Variants in TTLL11 observed in about 807,000 individuals in gnomAD.
TTLL11 encodes the protein tubulin tyrosine ligase like 11, also known as tubulin polyglutamylase TTLL11.
A neutral mutation model predicts 51.7 loss-of-function variants in TTLL11; 42 were observed. The ratio of observed to expected loss-of-function variants is 0.81; its 90% CI spans 0.64 to 1.05. TTLL11 has a LOEUF of 1.05. Ranked by LOEUF, TTLL11 falls within the 50% of genes least tolerant of loss-of-function variation. The probability of loss-of-function intolerance (pLI) is 0.00; values close to 1 mark genes in which losing one functional copy is unlikely to be tolerated. For synonymous variants in TTLL11, 381 were observed against 383.5 expected, an observed-to-expected ratio of 0.99 and a Z score of 0.08; for missense variants, 799 against 940.4, an observed-to-expected ratio of 0.85 and a Z score of 1.97.
Position 121,819,625 on chromosome 9 carries a change from G to A in TTLL11, c.*2962C>T, listed in dbSNP as rs72762612. Among the ~76,000 whole-genome samples the A allele has an allele frequency of 3.3e-3, 495 of 152,298 alleles. 9 individuals carry two copies. Among genetic ancestry groups the A allele is most frequent in the African/African-American group, 0.012 (480 of 41,566 alleles). The stretch of plus-strand genomic sequence containing the variant: ...AGGAGCGGGAAGGGGCAAGAGAGCG[G>A]GAGGGAGAAGACGCTGGAGATGGAT... On this transcript the variant is annotated 3_prime_UTR_variant, in exon 9 of 9. Coordinates refer to ENST00000321582, the MANE Select transcript of TTLL11 (RefSeq NM_001139442.2).
At chr9:121,864,487 C>G (rs1838122374) in intron 7 of TTLL11, among the ~76,000 whole-genome samples, 1 of 152,184 alleles carries the variant, frequency 6.6e-6, no homozygotes, top group Non-Finnish European at 1.5e-5. Flanking sequence ...GAGTCAAATG[C>G]ACATGAGTTT....
chr9:121,996,340 G>A (rs923175610), intron 3 of TTLL11, among the ~76,000 whole-genome samples: 2 of 152,148 alleles, frequency 1.3e-5, no homozygotes, highest in East Asian at 3.9e-4. Flanking sequence ...TCTGAGAACT[G>A]GCCTGCAACC....
At chr9:122,020,683 T>C (rs1165316160) in intron 3 of TTLL11, among the ~76,000 whole-genome samples, 2 of 152,228 alleles carry the variant, frequency 1.3e-5, no homozygotes, top group Admixed American at 6.5e-5. Flanking sequence ...AGAGGTAGGC[T>C]CTTTGGAGGG....
At chr9:121,920,931 G>A (rs969860903) in intron 6 of TTLL11, among the ~76,000 whole-genome samples, 1 of 152,224 alleles carries the variant, frequency 6.6e-6, no homozygotes, top group African/African-American at 2.4e-5. Flanking sequence ...AGAGCGTCTA[G>A]CTAATGCACA....
intron 3 of TTLL11, among the ~76,000 whole-genome samples, chr9:122,017,363 T>G (rs1045569554): frequency 2.0e-5 from 3 of 152,176 alleles, no homozygotes; most frequent in Non-Finnish European, 4.4e-5. Flanking sequence ...CCAAAGGAGA[T>G]GCTGGCACAG....
At chr9:121,914,202 A>T in intron 6 of TTLL11, among the ~76,000 whole-genome samples, 1 of 152,214 alleles carries the variant, frequency 6.6e-6, no homozygotes, top group East Asian at 1.9e-4. Flanking sequence ...ATAAAGTTTT[A>T]TTGGAACACA....
chr9:121,906,904 CA>C (rs1403363932), intron 6 of TTLL11, among the ~76,000 whole-genome samples: 1 of 151,952 alleles, frequency 6.6e-6, no homozygotes, highest in Non-Finnish European at 1.5e-5. Flanking sequence ...AGACCACCAC[CA>C]CAGTAAAATA....
chr9:122,046,089 C>A (rs567458064), intron 1 of TTLL11, among the ~76,000 whole-genome samples: 1 of 152,172 alleles, frequency 6.6e-6, no homozygotes, highest in East Asian at 1.9e-4. Context: ...AACAAAACAC[C>A]ATCTACTTAA....
rs1437964697 is a variant in TTLL11 at position 121,995,327 on chromosome 9, ACCAGGGCAC to A, written c.694-5566_694-5558del. On this transcript the variant is annotated intron_variant, in intron 3 of 8. Transcript: ENST00000321582. The surrounding 1 kb of genome is among the most constrained non-coding windows in gnomAD (Gnocchi z 4.4). ...GGCGAGGGACATGCATCCACGCATC[ACCAGGGCAC>A]CCAGGAGGAAGATAGTTTGGAAGGA... Among the ~76,000 whole-genome samples, 1 of 152,184 alleles carries A rather than the reference ACCAGGGCAC, an allele frequency of 6.6e-6. No individual in the cohort carries two copies. The highest frequency in any genetic ancestry group is 2.4e-5 in the African/African-American group (1 of 41,450).
At chr9:122,019,228 C>G (rs1227066847) in intron 3 of TTLL11, among the ~76,000 whole-genome samples, 1 of 152,184 alleles carries the variant, frequency 6.6e-6, no homozygotes, top group Non-Finnish European at 1.5e-5. Context: ...ATGAATAGAA[C>G]AGCCTTTCTA....
At chr9:121,978,952 C>A (rs1842773190) in intron 4 of TTLL11, among the ~76,000 whole-genome samples, 1 of 152,294 alleles carries the variant, frequency 6.6e-6, no homozygotes, top group African/African-American at 2.4e-5. Context: ...TCCTGGTATT[C>A]ATTCCTTTTG....
chr9:121,982,439 G>T (rs1842846285), intron 4 of TTLL11, among the ~76,000 whole-genome samples: 1 of 152,138 alleles, frequency 6.6e-6, no homozygotes, highest in Admixed American at 6.5e-5. Flanking sequence ...TTTTTGGGCT[G>T]GGCATGGTGG....
intron 6 of TTLL11, among the ~76,000 whole-genome samples, chr9:121,905,154 T>C (rs1839898621): frequency 6.6e-6 from 1 of 152,188 alleles, no homozygotes; most frequent in Non-Finnish European, 1.5e-5. Flanking sequence ...ATTATATCTC[T>C]CTGTAGAAGA....
chr9:121,972,051 A>T (rs1842593658), intron 6 of TTLL11, among the ~76,000 whole-genome samples: 1 of 152,068 alleles, frequency 6.6e-6, no homozygotes, highest in Admixed American at 6.5e-5. Context: ...TGATGGGTGC[A>T]GCAAATCACC....
At chr9:122,079,937 G>T (rs186018108) in intron 1 of TTLL11, among the ~76,000 whole-genome samples, 3 of 151,900 alleles carry the variant, frequency 2.0e-5, no homozygotes, top group African/African-American at 7.3e-5. Context: ...CGACTAGCCC[G>T]GGCAACATAG....
intron 1 of TTLL11, among the ~76,000 whole-genome samples, chr9:122,042,493 A>G (rs541750287): frequency 1.3e-5 from 2 of 152,370 alleles, no homozygotes; most frequent in South Asian, 4.1e-4. Context: ...TGGTAAAGCC[A>G]CTTTACAAGG....
chr9:121,990,748 C>T (rs1294978821), intron 3 of TTLL11, among the ~76,000 whole-genome samples: 1 of 152,180 alleles, frequency 6.6e-6, no homozygotes, highest in Non-Finnish European at 1.5e-5. Context: ...CTGACCAATC[C>T]TTCCATCTGT....
intron 6 of TTLL11, among the ~76,000 whole-genome samples, chr9:121,915,710 A>AT (rs1378168602): frequency 4.6e-5 from 7 of 152,226 alleles, no homozygotes; most frequent in South Asian, 2.1e-4. Context: ...TTAGTACTTG[A>AT]TTTTTTTAAA....
At chr9:121,972,023 C>T (rs534367998) in intron 6 of TTLL11, among the ~76,000 whole-genome samples, 1 of 151,786 alleles carries the variant, frequency 6.6e-6, no homozygotes, top group East Asian at 1.9e-4. Context: ...GGAGAAATAC[C>T]TAATGTAGAT....
Sources: gnomAD v4.1 joint callset for allele counts (sites outside exome capture counted in the v4.1 genomes callset) on GRCh38, gnomAD v4.1.1 for gene constraint, Gnocchi (gnomAD v3.1) non-coding constraint, MANE v1.5 for transcripts, NCBI Gene and HGNC (gene_info 2026-07-23, HGNC 2026-07-21) for gene names.